KRT86: variants seen among roughly 807,000 people sequenced by gnomAD.
KRT86 encodes keratin 86, also known as keratin, type II cuticular Hb6.
KRT86 carries 30 observed loss-of-function variants against 41.2 expected under a neutral mutation model. The observed-to-expected ratio is 0.73, with a 90% confidence interval of 0.54 to 0.99. The LOEUF (loss-of-function observed/expected upper bound fraction) is 0.99, where lower values mean the gene tolerates loss of function less well. KRT86 is among the 50% of genes least tolerant of loss of function. KRT86 has a pLI of 0.00. For synonymous variants in KRT86, 238 were observed against 238.1 expected, an observed-to-expected ratio of 1.00 and a Z score of 0.00; for missense variants, 561 against 571.4, an observed-to-expected ratio of 0.98 and a Z score of 0.19.
At chr12:52,284,916 G>C (rs977855479) in intron 2 of KRT86, among the ~76,000 whole-genome samples, 6 of 152,128 alleles carry the variant, frequency 3.9e-5, no homozygotes, top group African/African-American at 1.4e-4. Flanking sequence ...TGGTAACCAC[G>C]GAGGTTTCTC....
chr12:52,277,184 G>A (rs1307860417), intron 2 of KRT86, among the ~76,000 whole-genome samples: 2 of 151,994 alleles, frequency 1.3e-5, no homozygotes, highest in African/African-American at 4.8e-5. Context: ...AGCATTACAT[G>A]CCAAAGAGCA....
intron 9 of KRT86, among the ~76,000 whole-genome samples, chr12:52,307,954 C>T (rs1159840328): frequency 1.3e-5 from 2 of 152,250 alleles, no homozygotes; most frequent in Non-Finnish European, 2.9e-5. Context: ...CGCAAGAGAT[C>T]TACGAAGTAG....
chr12:52,293,012 G>A (rs1191956351), intron 2 of KRT86, among the ~76,000 whole-genome samples: 3 of 152,136 alleles, frequency 2.0e-5, no homozygotes, highest in Non-Finnish European at 2.9e-5. Flanking sequence ...AAATTAGCCC[G>A]TTATGGTGGC....
rs753187461 is a variant in KRT86, at chr12:52,305,345, C to A, written c.841C>A (p.Gln281Lys). ...CTGCATCATTGCCGAGATCAAGGCACAGTACGATGACATTGTCACCCGTAG... is the reference window on the plus strand; with the variant it reads ...CTGCATCATTGCCGAGATCAAGGCAAAGTACGATGACATTGTCACCCGTAG... ...MDCIIAEIKA[Q>K]YDDIVTRSRA... Residue 281 changes from glutamine to lysine, a missense_variant, in exon 7 of 11, where the codon CAG becomes AAG. Gln to Lys is a moderately conservative substitution (Grantham distance 53, BLOSUM62 1). This residue lies in a region of KRT86 where 397 missense variants were observed against 375.9 expected (regional missense o/e 1.06). Transcript: ENST00000423955. 1 of 1,614,256 alleles carries A rather than the reference C, an allele frequency of 6.2e-7. No homozygotes were observed. The highest frequency in any genetic ancestry group is 1.1e-5 in the South Asian group (1 of 91,084).
chr12:52,295,889 A>G (rs1315523756), intron 2 of KRT86, among the ~76,000 whole-genome samples: 1 of 148,148 alleles, frequency 6.8e-6, no homozygotes, highest in Non-Finnish European at 1.5e-5. Flanking sequence ...TGATGTGGCT[A>G]TTCCTGGGGG....
Position 52,305,699 on chromosome 12 carries a change from G to C in KRT86, c.937G>C (p.Glu313Gln). Residue 313 changes from glutamate (E) to glutamine (Q), a missense_variant, in exon 8 of 11, where the codon GAG (glutamate) becomes CAG (glutamine). Physicochemically the swap from Glu to Gln is conservative, Grantham distance 29. This residue lies in a region of KRT86 where 397 missense variants were observed against 375.9 expected (regional missense o/e 1.06). Transcript: ENST00000423955. ...EMKATVIRHG[E>Q]TLRRTKEEIN... ...GAAGGCCACGGTGATCAGGCACGGG[G>C]AGACCCTGCGCCGCACCAAGGAGGA... 3 of 1,614,120 alleles carry C rather than the reference G, an allele frequency of 1.9e-6. No individual in the cohort carries two copies. Among genetic ancestry groups the C allele is most frequent in the African/African-American group, 1.3e-5 (1 of 75,062 alleles).
chr12:52,288,527 T>G, intron 2 of KRT86: 1 of 1,563,396 alleles, frequency 6.4e-7, no homozygotes, highest in Non-Finnish European at 8.8e-7. Flanking sequence ...TCTCTGCCCA[T>G]CCATTCCATG....
chr12:52,299,751 T>C (rs1938329881), intron 2 of KRT86, among the ~76,000 whole-genome samples: 1 of 152,252 alleles, frequency 6.6e-6, no homozygotes, highest in Admixed American at 6.5e-5. Flanking sequence ...TTTTGAGAAA[T>C]GTCTATTCAG....
At chr12:52,294,303 A>T (rs954605184) in intron 2 of KRT86, among the ~76,000 whole-genome samples, 1 of 152,240 alleles carries the variant, frequency 6.6e-6, no homozygotes, top group Non-Finnish European at 1.5e-5. Flanking sequence ...GTATAAACAC[A>T]AGCTAATTAC....
At chr12:52,306,332 G>A (rs1460748785) in intron 9 of KRT86, 52 bp downstream of exon 9, 1 of 1,612,080 alleles carries the variant, frequency 6.2e-7, no homozygotes, top group South Asian at 1.1e-5. Flanking sequence ...TTCTCAGTGT[G>A]CTCTGTCCTC....
chr12:52,308,195 T>G, intron 9 of KRT86, 38 bp from the exon 10 acceptor site: 1 of 1,614,070 alleles, frequency 6.2e-7, no homozygotes, highest in Admixed American at 1.7e-5. Context: ...CCCGGCGCCT[T>G]TTCCGCGGCA....
At chr12:52,292,487 G>T (rs1261019086) in intron 2 of KRT86, among the ~76,000 whole-genome samples, 1 of 152,134 alleles carries the variant, frequency 6.6e-6, no homozygotes, top group East Asian at 1.9e-4. Flanking sequence ...ATCTTGAGCT[G>T]GGATGTCCAA....
intron 2 of KRT86, among the ~76,000 whole-genome samples, chr12:52,283,493 TTTG>T (rs1937831315): frequency 8.8e-6 from 1 of 114,010 alleles, no homozygotes; most frequent in Admixed American, 9.9e-5. Context: ...TTTTTTTTTT[TTTG>T]AGACAGAGTC....
chr12:52,305,606 C>T (rs1460267387), intron 7 of KRT86, 57 bp from the exon 8 acceptor site: 3 of 1,613,584 alleles, frequency 1.9e-6, no homozygotes, highest in African/African-American at 2.7e-5. Context: ...ATCTGTCATG[C>T]CCTGAATGGG....
At chr12:52,300,689 G>A (rs980945513) in intron 2 of KRT86, among the ~76,000 whole-genome samples, 3 of 152,238 alleles carry the variant, frequency 2.0e-5, no homozygotes, top group African/African-American at 7.2e-5. Context: ...AAACTTCTGT[G>A]CAGGAGTTTC....
At chr12:52,304,503 G>A (rs1399916758) in intron 5 of KRT86, among the ~76,000 whole-genome samples, 2 of 151,260 alleles carry the variant, frequency 1.3e-5, no homozygotes, top group African/African-American at 2.4e-5. Flanking sequence ...AGTGCAGTCT[G>A]TCTAGCATTT....
chr12:52,292,731 G>T (rs917974045), intron 2 of KRT86, among the ~76,000 whole-genome samples: 90 of 152,184 alleles, frequency 5.9e-4, no homozygotes, highest in African/African-American at 2.1e-3. Flanking sequence ...CTGGGCTAGA[G>T]GCTGGATTAG....
At chr12:52,291,616 G>C in intron 2 of KRT86, 1 of 1,239,466 alleles carries the variant, frequency 8.1e-7, no homozygotes, top group Non-Finnish European at 1.1e-6. Flanking sequence ...GGCAATTTGC[G>C]CTTTATGGGC....
intron 2 of KRT86, chr12:52,286,607 TG>T (rs1937947490): frequency 7.8e-7 from 1 of 1,281,010 alleles, no homozygotes; most frequent in Admixed American, 2.0e-5. Context: ...AGCATCTTTG[TG>T]GACAATTCTA....
Sources: allele counts gnomAD v4.1 joint callset (sites outside exome capture counted in the v4.1 genomes callset), GRCh38; gene constraint gnomAD v4.1.1; regional missense constraint gnomAD v4.1.1; transcripts MANE v1.5; gene names NCBI Gene and HGNC (gene_info 2026-07-23, HGNC 2026-07-21).